NPHP4: variants seen among roughly 807,000 people sequenced by gnomAD.
NPHP4 encodes the protein nephrocystin-4.
NPHP4 carries 151 observed loss-of-function variants against 155.8 expected under a neutral mutation model. The ratio of observed to expected loss-of-function variants is 0.97; its 90% CI spans 0.85 to 1.11. The LOEUF (loss-of-function observed/expected upper bound fraction) is 1.11, where lower values mean the gene tolerates loss of function less well. Among genes scored for constraint, NPHP4 ranks in the 50% least tolerant of loss-of-function variants. NPHP4 has a pLI of 0.00. For synonymous variants in NPHP4, 845 were observed against 816.8 expected (o/e 1.03, Z -0.59); for missense variants, 1,956 against 1,925.7 (o/e 1.02, Z -0.29).
intron 8 of NPHP4, among the ~76,000 whole-genome samples, chr1:5,947,836 T>C (rs913847666): frequency 2.0e-5 from 3 of 151,644 alleles, no homozygotes; most frequent in Admixed American, 6.6e-5. Context: ...GCTGGAAGCA[T>C]CCATAATGCT....
chr1:5,969,041 A>G, intron 4 of NPHP4, 46 bp downstream of exon 4: 2 of 1,222,498 alleles, frequency 1.6e-6, no homozygotes, highest in Non-Finnish European at 2.3e-6. Flanking sequence ...AAAAAAAAAA[A>G]GACAGACGCT....
chr1:5,964,626 A>C, intron 5 of NPHP4, among the ~76,000 whole-genome samples: 1 of 151,980 alleles, frequency 6.6e-6, no homozygotes, highest in Middle Eastern at 3.2e-3. Flanking sequence ...CCCACTGTCC[A>C]GGGAGAAGGT....
intron 4 of NPHP4, 113 bp from the exon 5 acceptor site, chr1:5,967,476 A>C: frequency 1.3e-6 from 1 of 790,984 alleles, no homozygotes; most frequent in Non-Finnish European, 2.1e-6. Context: ...AAACTCCACC[A>C]GTCCCATCCT....
At position 5,986,084 on chromosome 1, in the gene NPHP4, CATCT is replaced by C. The variant is rs368585911; in HGVS notation, c.135+67_135+70del. The C allele has an allele frequency of 4.5e-4, 683 of 1,534,692 alleles. 1 individual carries two copies. The highest frequency in any genetic ancestry group is 2.0e-3 in the African/African-American group (148 of 73,396). On this transcript the variant is annotated intron_variant, in intron 2 of 29. Transcript: ENST00000378156. ...AAAGCATCGTAAGCCAGGGACCATC[CATCT>C]GTTAACTGGAAGCCTCATGTCAGCT...
intron 2 of NPHP4, among the ~76,000 whole-genome samples, chr1:5,982,445 A>G (rs1322542524): frequency 6.6e-6 from 1 of 152,224 alleles, no homozygotes; most frequent in African/African-American, 2.4e-5. Context: ...AGGTTTACGT[A>G]AGTACATCCT....
rs11805141 is a variant in NPHP4, at chr1:5,864,679, C to T, written c.3817-162G>A. On this transcript the variant is annotated intron_variant, in intron 27 of 29. Coordinates refer to ENST00000378156, the MANE Select transcript of NPHP4 (RefSeq NM_015102.5). ...CAACCAACCCTGACATGACTGTGGC[C>T]GCGACTTGGGTCCACACCAGGCAAG... is the stretch of plus-strand genomic sequence containing the variant. 0.011 allele frequency: 6,629 copies of T among 603,680 alleles called. 286 individuals are homozygous for T. The highest frequency in any genetic ancestry group is 0.099 in the African/African-American group (5,349 of 53,984). 37.4% of individuals were successfully genotyped at this position (603,680 alleles called of 1,614,324 possible). A position where few individuals can be genotyped will look rare whatever the true frequency, so the allele number is the denominator to read the frequency against.
At position 5,944,850 on chromosome 1, in the gene NPHP4, G is replaced by T. The variant is rs1029466015; in HGVS notation, c.1119+2254C>A. ...CTGGGCATGGTGGCCCGTGCCTATA[G>T]TCCCAGCTACTCAGGAGACTGAGGC... On this transcript the variant is annotated intron_variant, in intron 9 of 29. Coordinates refer to ENST00000378156, the MANE Select transcript of NPHP4 (RefSeq NM_015102.5). The surrounding 1 kb of genome is among the most constrained non-coding windows in gnomAD (Gnocchi z 4.3). Among the ~76,000 whole-genome samples the T allele has an allele frequency of 2.6e-5, 4 of 152,090 alleles. No individual in the cohort carries two copies. Among genetic ancestry groups the T allele is most frequent in the African/African-American group, 9.7e-5 (4 of 41,412 alleles).
At chr1:5,877,321 G>C (rs1214460640) in intron 19 of NPHP4, 23 bp from the exon 20 acceptor site, 1 of 1,561,774 alleles carries the variant, frequency 6.4e-7, no homozygotes, top group Non-Finnish European at 8.7e-7. Context: ...CAGAGCGCGA[G>C]TCAGGTAGAC....
rs1656522997 is a variant in NPHP4, at chr1:5,992,391, C to T, written c.-186G>A. On this transcript the variant is annotated 5_prime_UTR_variant, in exon 1 of 30. Coordinates refer to ENST00000378156, the MANE Select transcript of NPHP4 (RefSeq NM_015102.5). ...CCGAGGACTGGCCGAGGGGCGCGCC[C>T]CGTCCGCTGCCACCCGCGGGAGGAG... The T allele has an allele frequency of 6.6e-6, 1 of 152,132 alleles. No individual in the cohort carries two copies. The highest frequency in any genetic ancestry group is 2.1e-4 in the South Asian group (1 of 4,832). 9.4% of individuals were successfully genotyped at this position (152,132 alleles called of 1,614,324 possible).
rs987867484 is a variant in NPHP4, at chr1:5,905,070, A to T, written c.1955+222T>A. On this transcript the variant is annotated intron_variant, in intron 15 of 29. Transcript: ENST00000378156. The surrounding 1 kb of genome is among the most constrained non-coding windows in gnomAD (Gnocchi z 4.0). ...CTAAGACCTGGACAACCCACCGTCC[A>T]CATTTTAATGAAGGACCACAAAAGA... Among the ~76,000 whole-genome samples the T allele has an allele frequency of 3.3e-5, 5 of 152,200 alleles. No homozygotes were observed. The highest frequency in any genetic ancestry group is 1.2e-4 in the African/African-American group (5 of 41,442).
At chr1:5,921,520 G>C (rs1557740289) in intron 11 of NPHP4, among the ~76,000 whole-genome samples, 1 of 152,224 alleles carries the variant, frequency 6.6e-6, no homozygotes, top group South Asian at 2.1e-4. Context: ...CCTCCAATAT[G>C]AGGGGAATAA....
intron 19 of NPHP4, chr1:5,879,252 A>C: frequency 3.6e-6 from 1 of 275,358 alleles, no homozygotes; most frequent in South Asian, 3.6e-5. Context: ...CACACAGATG[A>C]TCTGCAACCT....
chr1:5,908,751 G>A (rs1190440075), intron 12 of NPHP4, among the ~76,000 whole-genome samples: 2 of 152,244 alleles, frequency 1.3e-5, no homozygotes, highest in Non-Finnish European at 2.9e-5. Flanking sequence ...ACAGGGCCAG[G>A]GGACACCAAT....
chr1:5,915,640 G>C (rs1645433130), intron 11 of NPHP4, among the ~76,000 whole-genome samples: 2 of 152,148 alleles, frequency 1.3e-5, no homozygotes, highest in Admixed American at 6.5e-5. Context: ...AGGCAGCCCA[G>C]AACAGGAGCT....
Position 5,868,781 on chromosome 1 carries a change from A to G in NPHP4, c.3316-885T>C, listed in dbSNP as rs530406049. On this transcript the variant is annotated intron_variant, in intron 23 of 29. Coordinates refer to ENST00000378156, the MANE Select transcript of NPHP4 (RefSeq NM_015102.5). ...CATATGCATGCACCCACATGCACAC[A>G]CGCACACAATGCACACATACATGCA... Among the ~76,000 whole-genome samples, 809 of 129,650 alleles carry G rather than the reference A, an allele frequency of 6.2e-3. 9 individuals carry two copies. The highest frequency in any genetic ancestry group is 0.022 in the African/African-American group (720 of 33,374). 85.1% of individuals were successfully genotyped at this position (129,650 alleles called of 152,430 possible). A position where few individuals can be genotyped will look rare whatever the true frequency, so the allele number is the denominator to read the frequency against.
At chr1:5,945,926 C>T (rs189267985) in intron 9 of NPHP4, among the ~76,000 whole-genome samples, 4 of 152,234 alleles carry the variant, frequency 2.6e-5, no homozygotes, top group South Asian at 2.1e-4. Flanking sequence ...CGTGAATCAT[C>T]CCTCCGTCCC....
At chr1:5,975,855 C>T (rs1168284688) in intron 3 of NPHP4, among the ~76,000 whole-genome samples, 1 of 152,226 alleles carries the variant, frequency 6.6e-6, no homozygotes, top group Non-Finnish European at 1.5e-5. Flanking sequence ...AAAGATCGTC[C>T]TACCATGTGA....
At position 5,889,260 on chromosome 1, in the gene NPHP4, C is replaced by T. The variant is rs1222698703; in HGVS notation, c.2304+1608G>A. Reference sequence around the variant, plus strand: ...GCTCAAACAAGATGAAAGCTGGCCCCGCCTGCAGAAAGTAAGTCCACCAAA... The same window carrying T: ...GCTCAAACAAGATGAAAGCTGGCCCTGCCTGCAGAAAGTAAGTCCACCAAA... On this transcript the variant is annotated intron_variant, in intron 17 of 29. Coordinates refer to ENST00000378156, the MANE Select transcript of NPHP4 (RefSeq NM_015102.5). The surrounding 1 kb of genome is among the most constrained non-coding windows in gnomAD (Gnocchi z 4.2). 6.6e-6 allele frequency among the ~76,000 whole-genome samples: 1 copy of T among 152,192 alleles called. No homozygotes were observed. The highest frequency in any genetic ancestry group is 2.1e-4 in the South Asian group (1 of 4,822).
In NPHP4 at chr1:5,909,286, C is replaced by CCACG. The variant is rs1645063971; in HGVS notation, c.1442-77_1442-74dup. The CCACG allele has an allele frequency of 5.7e-6, 7 of 1,237,024 alleles. No individual in the cohort carries two copies. In the Admixed American group the frequency reaches 1.2e-4, roughly 21 times the overall value. 76.6% of individuals were successfully genotyped at this position (1,237,024 alleles called of 1,614,324 possible). On this transcript the variant is annotated intron_variant, in intron 11 of 29. Transcript: ENST00000378156. ...TTGGGGGCAGTGGGCCCCTGAACCC[C>CCACG]CACGCAGTCAGGTCTCCACAGGCCT...
Sources: allele counts gnomAD v4.1 joint callset (sites outside exome capture counted in the v4.1 genomes callset), GRCh38; gene constraint gnomAD v4.1.1; non-coding constraint Gnocchi (gnomAD v3.1); transcripts MANE v1.5; gene names NCBI Gene and HGNC (gene_info 2026-07-23, HGNC 2026-07-21).